ZNF284: variants seen among roughly 807,000 people sequenced by gnomAD.
The protein encoded by ZNF284 is zinc finger protein 284.
A neutral mutation model predicts 12.9 loss-of-function variants in ZNF284; 12 were observed. The observed-to-expected ratio is 0.93, with a 90% confidence interval of 0.60 to 1.51. The LOEUF (loss-of-function observed/expected upper bound fraction) is 1.51, where lower values mean the gene tolerates loss of function less well. Among genes scored for constraint, ZNF284 ranks in the 40% most tolerant of loss-of-function variants. The probability of loss-of-function intolerance (pLI) is 0.00; values close to 1 mark genes in which losing one functional copy is unlikely to be tolerated. For synonymous variants in ZNF284, 225 were observed against 236.5 expected (o/e 0.95, Z 0.45); for missense variants, 667 against 707.3 (o/e 0.94, Z 0.65).
chr19:44,082,257 C>G (rs1230239095), intron 4 of ZNF284, among the ~76,000 whole-genome samples, 152 bp downstream of exon 4: 1 of 152,178 alleles, frequency 6.6e-6, no homozygotes, highest in Non-Finnish European at 1.5e-5. Flanking sequence ...TCCCCCACCC[C>G]CTCTTCCCAC....
At position 44,088,289 on chromosome 19, in the gene ZNF284, G is replaced by C. The variant is rs1016026623; in HGVS notation, c.*1029G>C. On this transcript the variant is annotated 3_prime_UTR_variant, in exon 5 of 5. Coordinates refer to ENST00000421176, the MANE Select transcript of ZNF284 (RefSeq NM_001037813.4). ...AAAACATGTGGTATTTATCTTTCTG[G>C]GCCTGAATTTACATCACTCAACATC... 4 of 152,062 alleles carry C rather than the reference G, an allele frequency of 2.6e-5. No individual in the cohort carries two copies. The highest frequency in any genetic ancestry group is 5.9e-5 in the Non-Finnish European group (4 of 68,000). The allele number at this position is 152,062 out of a possible 1,614,324, so 9.4% of individuals were successfully genotyped here.
At chr19:44,083,745 C>T (rs1181210897) in intron 4 of ZNF284, among the ~76,000 whole-genome samples, 1 of 151,622 alleles carries the variant, frequency 6.6e-6, no homozygotes, top group African/African-American at 2.4e-5. Context: ...AGCATAGTAC[C>T]CAATAGTGGT....
rs1013820177 is a variant in ZNF284 at position 44,088,224 on chromosome 19, G to C, written c.*964G>C. On this transcript the variant is annotated 3_prime_UTR_variant, in exon 5 of 5. Coordinates refer to ENST00000421176, the MANE Select transcript of ZNF284 (RefSeq NM_001037813.4). ...CACCGTGCCCAGCCAATGCTATGCT[G>C]CTTCTATGATGTCAACTTTTTAGCT... 1 of 151,694 alleles carries C rather than the reference G, an allele frequency of 6.6e-6. No homozygotes were observed. The highest frequency in any genetic ancestry group is 2.4e-5 in the African/African-American group (1 of 41,340). 9.4% of individuals were successfully genotyped at this position (151,694 alleles called of 1,614,324 possible). A position where few individuals can be genotyped will look rare whatever the true frequency, so the allele number is the denominator to read the frequency against.
chr19:44,079,678 A>C (rs1309391629), intron 2 of ZNF284, among the ~76,000 whole-genome samples: 1 of 151,968 alleles, frequency 6.6e-6, no homozygotes, highest in East Asian at 1.9e-4. Context: ...ACTGCACTCC[A>C]GCCTGGGGAC....
intron 4 of ZNF284, among the ~76,000 whole-genome samples, chr19:44,082,408 T>G (rs1056628259): frequency 6.6e-6 from 1 of 152,208 alleles, no homozygotes; most frequent in Non-Finnish European, 1.5e-5. Flanking sequence ...TAGAGACCCT[T>G]GATCTGCTCT....
intron 1 of ZNF284, among the ~76,000 whole-genome samples, chr19:44,073,760 G>A (rs1966985319): frequency 6.6e-6 from 1 of 152,022 alleles, no homozygotes; most frequent in African/African-American, 2.4e-5. Context: ...GTGTTAGCCA[G>A]GATGGTCTTG....
chr19:44,075,726 C>A (rs1967015982), intron 1 of ZNF284, among the ~76,000 whole-genome samples: 1 of 152,136 alleles, frequency 6.6e-6, no homozygotes, highest in Admixed American at 6.5e-5. Context: ...TTACTGATTT[C>A]AATGACATGT....
chr19:44,074,780 C>T (rs1043801223), intron 1 of ZNF284, among the ~76,000 whole-genome samples: 6 of 152,102 alleles, frequency 3.9e-5, no homozygotes, highest in African/African-American at 9.7e-5. Flanking sequence ...ACCAGCCTGG[C>T]CAACATGGAG....
At chr19:44,076,818 CT>C (rs199632689) in intron 2 of ZNF284, among the ~76,000 whole-genome samples, 101,561 of 138,894 alleles carry the variant, frequency 0.73, 38,460 homozygotes, top group Non-Finnish European at 0.86. Context: ...ATTGATGCTC[CT>C]TTTTTTTTTT....
chr19:44,081,258 A>T, intron 3 of ZNF284, 117 bp downstream of exon 3: 6 of 1,238,824 alleles, frequency 4.8e-6, no homozygotes, highest in Non-Finnish European at 6.5e-6. Context: ...AGACTGGGTA[A>T]TTTATAAAGA....
chr19:44,087,032 G>T lies in ZNF284; in HGVS notation c.1554G>T (p.Lys518Asn). The change falls in exon 5 of 5, where the codon AAG becomes AAT. Residue 518 changes from lysine (K) to asparagine (N), a missense_variant. Coordinates refer to ENST00000421176, the MANE Select transcript of ZNF284 (RefSeq NM_001037813.4). ...EKPYKCEECG[K>N]GFRWASTHLT... is the part of the protein sequence containing the mutation. ...CTTACAAATGTGAGGAGTGTGGAAA[G>T]GGATTCAGATGGGCCTCAACTCATC... 6.2e-7 allele frequency: 1 copy of T among 1,614,146 alleles called. No individual in the cohort carries two copies. Among genetic ancestry groups the T allele is most frequent in the Non-Finnish European group, 8.5e-7 (1 of 1,180,016 alleles).
chr19:44,086,016 T>C lies in ZNF284; in HGVS notation c.538T>C (p.Tyr180His). The C allele has an allele frequency of 6.2e-7, 1 of 1,614,166 alleles. No individual in the cohort carries two copies. Among genetic ancestry groups the C allele is most frequent in the Non-Finnish European group, 8.5e-7 (1 of 1,180,014 alleles). ...SGKISHTCNEYRKRFCYSSAL... is the reference protein window; with the variant it reads ...SGKISHTCNEHRKRFCYSSAL... Reference sequence around the variant, plus strand: ...AAAGATATCCCATACATGTAATGAGTACAGGAAGAGATTCTGTTATAGCTC... The same window carrying C: ...AAAGATATCCCATACATGTAATGAGCACAGGAAGAGATTCTGTTATAGCTC... The change falls in exon 5 of 5, where the codon TAC becomes CAC. Residue 180 changes from tyrosine to histidine, a missense_variant. Physicochemically the swap from Tyr to His is moderately conservative, Grantham distance 83 (BLOSUM62 2). Coordinates refer to ENST00000421176, the MANE Select transcript of ZNF284 (RefSeq NM_001037813.4).
At chr19:44,080,914 C>T in intron 2 of ZNF284, 101 bp from the exon 3 acceptor site, 3 of 1,414,000 alleles carry the variant, frequency 2.1e-6, no homozygotes, top group Non-Finnish European at 2.9e-6. Flanking sequence ...CTTTCAAGAT[C>T]CACAGCAACT....
rs764708674 is a variant in ZNF284 at position 44,087,237 on chromosome 19, T to C, written c.1759T>C (p.Ser587Pro). ...GCGCTTGAATCTAGATATGATTTTA[T>C]CATTATTTTTAAATGATATATAATT... is the stretch of plus-strand genomic sequence containing the variant. ...ERRLNLDMIL[S>P]LFLNDI The change falls in exon 5 of 5, where the codon TCA (serine) becomes CCA (proline). Residue 587 changes from serine (S) to proline (P), a missense_variant. By Grantham distance (74) the Ser-to-Pro change is moderately conservative. Coordinates refer to ENST00000421176, the MANE Select transcript of ZNF284 (RefSeq NM_001037813.4). 9.6e-6 allele frequency: 15 copies of C among 1,566,254 alleles called. No homozygotes were observed. In the African/African-American group the frequency reaches 2.1e-4, roughly 22 times the overall value.
chr19:44,081,907 C>T (rs897374473), intron 3 of ZNF284, 106 bp from the exon 4 acceptor site: 8 of 836,192 alleles, frequency 9.6e-6, no homozygotes, highest in African/African-American at 3.4e-5. Context: ...TTGGGGACAC[C>T]GCCAAACCAT....
chr19:44,086,201 C>T lies in ZNF284; in HGVS notation c.723C>T (p.Ser241=). 6.2e-7 allele frequency: 1 copy of T among 1,614,050 alleles called. No homozygotes were observed. The highest frequency in any genetic ancestry group is 8.5e-7 in the Non-Finnish European group (1 of 1,180,000). ...GTGAGCAGTGTGGGAAAAGTTTCAG[C>T]CGTAGATCAGGAATGTATGTTCATT... is the stretch of plus-strand genomic sequence containing the variant. ...FKCEQCGKSF[S]RRSGMYVHCK... The change falls in exon 5 of 5, where the codon AGC becomes AGT. Residue 241 remains serine, a synonymous_variant. Coordinates refer to ENST00000421176, the MANE Select transcript of ZNF284 (RefSeq NM_001037813.4).
Position 44,086,482 on chromosome 19 carries a change from T to G in ZNF284, c.1004T>G (p.Met335Arg). The change falls in exon 5 of 5, where the codon ATG (methionine) becomes AGG (arginine). Residue 335 changes from methionine to arginine, a missense_variant. Physicochemically the swap from Met to Arg is moderately conservative, Grantham distance 91. Coordinates refer to ENST00000421176, the MANE Select transcript of ZNF284 (RefSeq NM_001037813.4). ...GQRSALNSHC[M>R]DHTKEKLYKC... ...AGATCAGCACTTAATAGTCATTGCA[T>G]GGACCACACAAAAGAGAAACTATAC... is the stretch of plus-strand genomic sequence containing the variant. 1 of 1,614,190 alleles carries G rather than the reference T, an allele frequency of 6.2e-7. No individual in the cohort carries two copies.
chr19:44,083,753 G>T (rs1967176149), intron 4 of ZNF284, among the ~76,000 whole-genome samples: 1 of 151,970 alleles, frequency 6.6e-6, no homozygotes, highest in Non-Finnish European at 1.5e-5. Flanking sequence ...ACCCAATAGT[G>T]GTGGCAGGAT....
At position 44,087,250 on chromosome 19, in the gene ZNF284, A is replaced by G. The variant is rs762549524; in HGVS notation, c.1772A>G (p.Asn591Ser). Residue 591 changes from asparagine (N) to serine (S), a missense_variant, in exon 5 of 5, where the codon AAT becomes AGT. Asn to Ser is a conservative substitution (Grantham distance 46, BLOSUM62 1). Transcript: ENST00000421176. Reference sequence around the variant, plus strand: ...GATATGATTTTATCATTATTTTTAAATGATATATAATTATTGTCCATATTT... The same window carrying G: ...GATATGATTTTATCATTATTTTTAAGTGATATATAATTATTGTCCATATTT... ...NLDMILSLFLNDI is the reference protein window; with the variant it reads ...NLDMILSLFLSDI 1.9e-6 allele frequency: 3 copies of G among 1,538,864 alleles called. No homozygotes were observed. In the East Asian group the frequency reaches 7.4e-5, roughly 38 times the overall value.
Sources: gnomAD v4.1 joint callset for allele counts (sites outside exome capture counted in the v4.1 genomes callset) on GRCh38, gnomAD v4.1.1 for gene constraint, MANE v1.5 for transcripts, NCBI Gene and HGNC (gene_info 2026-07-23, HGNC 2026-07-21) for gene names.